FUT8: variants seen among roughly 807,000 people sequenced by gnomAD.
FUT8 encodes alpha-(1,6)-fucosyltransferase.
In FUT8, 29 loss-of-function variants were observed where a neutral mutation model predicts 71.3. That is an observed-to-expected ratio of 0.41 (90% CI 0.30 to 0.55). The LOEUF (loss-of-function observed/expected upper bound fraction) is 0.55, where lower values mean the gene tolerates loss of function less well. FUT8 is among the 20% of genes least tolerant of loss of function. The probability of loss-of-function intolerance (pLI) is 0.34; values close to 1 mark genes in which losing one functional copy is unlikely to be tolerated. For missense variants in FUT8, 544 were observed against 702.1 expected, an observed-to-expected ratio of 0.77 and a Z score of 2.55; for synonymous variants, 254 against 239.3, an observed-to-expected ratio of 1.06 and a Z score of -0.57.
intron 2 of FUT8, among the ~76,000 whole-genome samples, chr14:65,517,796 C>G (rs1289022866): frequency 6.6e-6 from 1 of 152,150 alleles, no homozygotes; most frequent in Non-Finnish European, 1.5e-5. Context: ...TGTATGTAAA[C>G]TGGCTTAAGT....
At chr14:65,604,079 C>T (rs949899618) in intron 3 of FUT8, among the ~76,000 whole-genome samples, 1 of 151,638 alleles carries the variant, frequency 6.6e-6, no homozygotes, top group African/African-American at 2.4e-5. Context: ...ATATACACAC[C>T]TAACACTAGC....
chr14:65,676,499 C>T (rs1347877101), intron 7 of FUT8, among the ~76,000 whole-genome samples: 1 of 152,146 alleles, frequency 6.6e-6, no homozygotes, highest in Non-Finnish European at 1.5e-5. Flanking sequence ...TAAATTATTA[C>T]AAATTGAGTC....
At chr14:65,378,724 A>G in the FUT8 span, among the ~76,000 whole-genome samples, 1 of 152,224 alleles carries the variant, frequency 6.6e-6, no homozygotes, top group Admixed American at 6.5e-5. Context: ...AAGATTAGCC[A>G]AACATCTGTT....
intron 2 of FUT8, among the ~76,000 whole-genome samples, chr14:65,542,218 T>C (rs10129828): frequency 0.01 from 1,594 of 152,300 alleles, 29 homozygotes; most frequent in African/African-American, 0.037. Flanking sequence ...TGACGGTCAT[T>C]TTAAAGACAA....
chr14:65,629,375 C>A, intron 5 of FUT8, 117 bp from the exon 6 acceptor site: 1 of 612,230 alleles, frequency 1.6e-6, no homozygotes, highest in Admixed American at 2.7e-5. Context: ...AAGATGAGTA[C>A]CAGTGTCAAT....
At chr14:65,376,202 T>C in the FUT8 span, among the ~76,000 whole-genome samples, 2 of 152,186 alleles carry the variant, frequency 1.3e-5, no homozygotes, top group Non-Finnish European at 2.9e-5. Context: ...ATTTGTCAAG[T>C]ATGGTTTTCC....
intron 1 of FUT8, among the ~76,000 whole-genome samples, chr14:65,436,312 C>T (rs2065558146): frequency 6.6e-6 from 1 of 152,016 alleles, no homozygotes; most frequent in Admixed American, 6.6e-5. Flanking sequence ...CTTTAACATT[C>T]CGAGAATGCT....
rs977828176 is a variant in FUT8, at chr14:65,616,456, G to A, written c.482+83G>A. The A allele has an allele frequency of 3.3e-6, 4 of 1,200,394 alleles. No homozygotes were observed. The African/African-American group carries it at 6.1e-5, about 18-fold the overall frequency. The allele number at this position is 1,200,394 out of a possible 1,614,324, so 74.4% of individuals were successfully genotyped here. A position where few individuals can be genotyped will look rare whatever the true frequency, so the allele number is the denominator to read the frequency against. On this transcript the variant is annotated intron_variant, in intron 5 of 10. Transcript: ENST00000673929. ...GAGAAACAGACTTGTTAATCCATCT[G>A]TTGAGTGGTAAATATTAATAGCACC... is the stretch of plus-strand genomic sequence containing the variant.
chr14:65,382,263 A>T, the FUT8 span, among the ~76,000 whole-genome samples: 1 of 152,202 alleles, frequency 6.6e-6, no homozygotes, highest in African/African-American at 2.4e-5. Context: ...CTCAATCTGG[A>T]TGCCTCTAAG....
intron 7 of FUT8, among the ~76,000 whole-genome samples, chr14:65,694,978 T>G (rs1279439898): frequency 1.3e-5 from 2 of 151,780 alleles, no homozygotes; most frequent in African/African-American, 2.4e-5. Context: ...CACCAGCATG[T>G]CACATGTATA....
the FUT8 span, among the ~76,000 whole-genome samples, chr14:65,374,370 A>G: frequency 1.3e-5 from 2 of 152,206 alleles, no homozygotes; most frequent in Non-Finnish European, 2.9e-5. Flanking sequence ...CCTGGGAAAA[A>G]GGGGTTTGGA....
At chr14:65,435,825 A>ATTTTTT (rs2065547842) in intron 1 of FUT8, among the ~76,000 whole-genome samples, 1 of 145,526 alleles carries the variant, frequency 6.9e-6, no homozygotes, top group Non-Finnish European at 1.5e-5. Flanking sequence ...AGCTCTTATA[A>ATTTTTT]TAGGTGTATA....
At chr14:65,451,581 TTG>T (rs1375666328) in intron 1 of FUT8, among the ~76,000 whole-genome samples, 1 of 152,204 alleles carries the variant, frequency 6.6e-6, no homozygotes, top group Non-Finnish European at 1.5e-5. Context: ...GTATCCACAC[TTG>T]TGGCTCCTGA....
chr14:65,468,339 C>A, intron 2 of FUT8: 6 of 576,062 alleles, frequency 1.0e-5, no homozygotes, highest in South Asian at 8.9e-5. Context: ...CCTTTGTGTT[C>A]GTCCTTTTGG....
intron 7 of FUT8, among the ~76,000 whole-genome samples, chr14:65,719,047 G>A (rs891405771): frequency 1.1e-4 from 16 of 152,100 alleles, no homozygotes; most frequent in Admixed American, 7.2e-4. Flanking sequence ...TTGAATAAAC[G>A]TTCTGTTCCT....
chr14:65,548,145 A>G (rs898651876), intron 2 of FUT8, among the ~76,000 whole-genome samples: 1 of 151,988 alleles, frequency 6.6e-6, no homozygotes, highest in Non-Finnish European at 1.5e-5. Flanking sequence ...GTTTTAGAGG[A>G]TGAGTACTAC....
chr14:65,454,880 C>A (rs1486915717), intron 1 of FUT8, among the ~76,000 whole-genome samples: 2 of 152,180 alleles, frequency 1.3e-5, no homozygotes, highest in South Asian at 2.1e-4. Context: ...GAGGGAGAGG[C>A]AGCAACAAAT....
chr14:65,400,443 C>T, the FUT8 span, among the ~76,000 whole-genome samples: 4 of 152,216 alleles, frequency 2.6e-5, no homozygotes, highest in Non-Finnish European at 5.9e-5. Flanking sequence ...CCATATACTC[C>T]TCTATATTTC....
the FUT8 span, among the ~76,000 whole-genome samples, chr14:65,381,077 C>T: frequency 2.0e-5 from 3 of 152,192 alleles, no homozygotes; most frequent in African/African-American, 7.2e-5. Flanking sequence ...TATTTTTTTA[C>T]ATTTGAAAGA....
Sources: allele counts gnomAD v4.1 joint callset (sites outside exome capture counted in the v4.1 genomes callset), GRCh38; gene constraint gnomAD v4.1.1; transcripts MANE v1.5; gene names NCBI Gene and HGNC (gene_info 2026-07-23, HGNC 2026-07-21).